ODAD4: variants seen among roughly 807,000 people sequenced by gnomAD.
ODAD4 encodes outer dynein arm-docking complex subunit 4.
In ODAD4, 49 loss-of-function variants were observed where a neutral mutation model predicts 51.8. That is an observed-to-expected ratio of 0.95 (90% CI 0.75 to 1.20). ODAD4 has a LOEUF of 1.20. Among genes scored for constraint, ODAD4 ranks in the 50% most tolerant of loss-of-function variants. The pLI, the probability that ODAD4 is intolerant of heterozygous loss-of-function variation, is 0.00. For synonymous variants in ODAD4, 235 were observed against 221.3 expected (o/e 1.06, Z -0.55); for missense variants, 590 against 586.5 (o/e 1.01, Z -0.06).
At chr17:41,949,874 A>G (rs2050631143) in intron 9 of ODAD4, among the ~76,000 whole-genome samples, 2 of 151,434 alleles carry the variant, frequency 1.3e-5, no homozygotes. Flanking sequence ...GGGTTTCACC[A>G]TGTTGGCTAG....
chr17:41,958,179 CT>C (rs2050757713), intron 10 of ODAD4, among the ~76,000 whole-genome samples: 1 of 152,276 alleles, frequency 6.6e-6, no homozygotes, highest in Admixed American at 6.5e-5. Flanking sequence ...CCCACTCAAC[CT>C]TTAGGTTTCA....
chr17:41,953,606 G>A (rs942624008), intron 9 of ODAD4, among the ~76,000 whole-genome samples: 2 of 151,808 alleles, frequency 1.3e-5, no homozygotes, highest in African/African-American at 2.4e-5. Flanking sequence ...CCAGTAGTTC[G>A]AGACCAGGCT....
intron 7 of ODAD4, among the ~76,000 whole-genome samples, chr17:41,944,440 ACACACC>A (rs1388531098): frequency 0.085 from 406 of 4,752 alleles, 10 homozygotes; most frequent in African/African-American, 0.16. Flanking sequence ...ACACACACAC[ACACACC>A]CCCCCGCATA....
rs1191101800 is a variant in ODAD4, at chr17:41,944,444, A to ACACCC, written c.1059-691_1059-690insACCCC. Among the ~76,000 whole-genome samples the ACACCC allele has an allele frequency of 4.4e-3, 86 of 19,476 alleles. 1 individual carries two copies. Among genetic ancestry groups the ACACCC allele is most frequent in the Middle Eastern group, 0.029 (1 of 34 alleles). 12.8% of individuals were successfully genotyped at this position (19,476 alleles called of 152,430 possible). ...CACACACACACACACACACACACAC[A>ACACCC]CCCCCCCGCATACACAGAAATTGCC... On this transcript the variant is annotated intron_variant, in intron 7 of 11. Transcript: ENST00000377540.
intron 9 of ODAD4, among the ~76,000 whole-genome samples, chr17:41,953,294 T>G (rs548468209): frequency 1.3e-5 from 2 of 152,126 alleles, no homozygotes; most frequent in South Asian, 4.2e-4. Flanking sequence ...CTCCTGACCT[T>G]GTGATCCGCC....
chr17:41,938,426 CCT>C (rs1304430541), intron 5 of ODAD4, 129 bp from the exon 6 acceptor site: 7 of 719,968 alleles, frequency 9.7e-6, no homozygotes, highest in South Asian at 1.8e-5. Flanking sequence ...CACTCACACT[CCT>C]CTCTGTTTCA....
chr17:41,935,463 C>A (rs557233662), intron 2 of ODAD4, 115 bp downstream of exon 2: 2 of 1,510,682 alleles, frequency 1.3e-6, no homozygotes, highest in South Asian at 1.3e-5. Flanking sequence ...GCCATTTTCT[C>A]TTCCTAGGTC....
At chr17:41,956,520 G>T (rs1396721020) in intron 10 of ODAD4, among the ~76,000 whole-genome samples, 2 of 147,932 alleles carry the variant, frequency 1.4e-5, no homozygotes, top group African/African-American at 5.0e-5. Context: ...TAGAGATGGG[G>T]CCATGTATGG....
intron 11 of ODAD4, among the ~76,000 whole-genome samples, chr17:41,963,280 T>C (rs559916955): frequency 6.6e-4 from 100 of 152,232 alleles, no homozygotes; most frequent in African/African-American, 2.1e-3. Flanking sequence ...CAGAAGGGGA[T>C]GTAACTTTTC....
In ODAD4 at chr17:41,965,764, G is replaced by A; in HGVS notation, c.*281G>A. The A allele has an allele frequency of 2.8e-6, 1 of 352,134 alleles. No homozygotes were observed. The highest frequency in any genetic ancestry group is 2.9e-5 in the South Asian group (1 of 33,962). 21.8% of individuals were successfully genotyped at this position (352,134 alleles called of 1,614,324 possible). On this transcript the variant is annotated 3_prime_UTR_variant, in exon 12 of 12. Transcript: ENST00000377540. ...GTTTCAGGAGGGTGAAGATACGGGC[G>A]CTACAGGGAACAAGAAGTCACAGGG...
At chr17:41,947,078 G>C (rs547143711) in intron 8 of ODAD4, among the ~76,000 whole-genome samples, 12 of 151,206 alleles carry the variant, frequency 7.9e-5, no homozygotes, top group Admixed American at 7.9e-4. Context: ...TCCAACTCCC[G>C]ACCTCAGGTG....
chr17:41,934,343 T>TTTTTGTTTTG (rs1214264239), intron 1 of ODAD4, among the ~76,000 whole-genome samples: 1 of 151,094 alleles, frequency 6.6e-6, no homozygotes, highest in Admixed American at 6.6e-5. Flanking sequence ...ACCCGGCCTC[T>TTTTTGTTTTG]TTTTGTTTTG....
Position 41,938,711 on chromosome 17 carries a change from G to A in ODAD4, c.780G>A (p.Leu260=), listed in dbSNP as rs1555638236. The A allele has an allele frequency of 6.2e-7, 1 of 1,613,898 alleles. No homozygotes were observed. Among genetic ancestry groups the A allele is most frequent in the Non-Finnish European group, 8.5e-7 (1 of 1,179,902 alleles). ...RDRKLMQEKW[L]RDHKRRPSQT... ...GGAAGCTGATGCAAGAGAAATGGCT[G>A]CGGGACCACAAACGCCGTCCCTCAC... Residue 260 remains leucine, a synonymous_variant, in exon 6 of 12, where the codon CTG becomes CTA. Coordinates refer to ENST00000377540, the MANE Select transcript of ODAD4 (RefSeq NM_031421.5).
At chr17:41,945,375 AC>A in intron 8 of ODAD4, 153 bp downstream of exon 8, 1 of 631,406 alleles carries the variant, frequency 1.6e-6, no homozygotes, top group Non-Finnish European at 2.7e-6. Context: ...AGCCGCGCAT[AC>A]TGTCCTGTGC....
At chr17:41,960,534 TGAGA>T (rs1371257523) in intron 10 of ODAD4, among the ~76,000 whole-genome samples, 7 of 151,766 alleles carry the variant, frequency 4.6e-5, no homozygotes, top group Admixed American at 3.9e-4. Flanking sequence ...GAATTCAGAG[TGAGA>T]GAGCCCCAGC....
Position 41,936,857 on chromosome 17 carries a change from G to A in ODAD4, c.555G>A (p.Lys185=). The A allele has an allele frequency of 6.2e-7, 1 of 1,613,996 alleles. No homozygotes were observed. Residue 185 remains lysine (K), a synonymous_variant, in exon 5 of 12, where the codon AAG becomes AAA. Coordinates refer to ENST00000377540, the MANE Select transcript of ODAD4 (RefSeq NM_031421.5). ...GGAAGGCCTCGCTCAAGAGTGAGAA[G>A]ACTGTCCGCCAGCTTCTGGGGGAGC... ...PKWKASLKSE[K]TVRQLLGELY... is the part of the protein sequence containing the mutation.
chr17:41,961,611 A>G (rs916387413), intron 11 of ODAD4, 145 bp downstream of exon 11: 3 of 640,690 alleles, frequency 4.7e-6, no homozygotes, highest in Admixed American at 2.4e-5. Flanking sequence ...TGCCACCAGC[A>G]GCCCTAGCCT....
At chr17:41,938,811 G>C (rs1367459122) in intron 6 of ODAD4, 30 bp downstream of exon 6, 1 of 1,603,968 alleles carries the variant, frequency 6.2e-7, no homozygotes, top group African/African-American at 1.3e-5. Context: ...GGTGGGGCAG[G>C]TGCCTCCAGT....
intron 10 of ODAD4, among the ~76,000 whole-genome samples, chr17:41,959,593 C>T (rs563159620): frequency 4.5e-4 from 69 of 152,164 alleles, no homozygotes; most frequent in African/African-American, 1.5e-3. Flanking sequence ...CTGGCCAGGC[C>T]GAGGAGGGGC....
Sources: allele counts gnomAD v4.1 joint callset (sites outside exome capture counted in the v4.1 genomes callset), GRCh38; gene constraint gnomAD v4.1.1; transcripts MANE v1.5; gene names NCBI Gene and HGNC (gene_info 2026-07-23, HGNC 2026-07-21).